SNX24: variants seen among roughly 807,000 people sequenced by gnomAD.
The protein encoded by SNX24 is sorting nexin-24.
SNX24 carries 22 observed loss-of-function variants against 28.7 expected under a neutral mutation model. That is an observed-to-expected ratio of 0.77 (90% CI 0.55 to 1.10). The LOEUF is 1.10. SNX24 is among the 50% of genes least tolerant of loss of function. The pLI, the probability that SNX24 is intolerant of heterozygous loss-of-function variation, is 0.00. For synonymous variants in SNX24, 69 were observed against 71.5 expected (o/e 0.96, Z 0.18); for missense variants, 221 against 201.1 (o/e 1.10, Z -0.60).
downstream of SNX24, among the ~76,000 whole-genome samples, chr5:123,009,961 A>C (rs1407359954): frequency 6.6e-6 from 1 of 152,238 alleles, no homozygotes; most frequent in East Asian, 1.9e-4. Context: ...AAGTAGAATC[A>C]AAAAGGACCT....
intron 1 of SNX24, among the ~76,000 whole-genome samples, chr5:122,918,871 G>T (rs909747081): frequency 6.6e-6 from 1 of 152,150 alleles, no homozygotes; most frequent in East Asian, 1.9e-4. Context: ...GGGCTAAAAC[G>T]TGATTTAAGA....
chr5:123,011,434 A>G (rs1762576707), downstream of SNX24, among the ~76,000 whole-genome samples: 1 of 152,174 alleles, frequency 6.6e-6, no homozygotes, highest in Non-Finnish European at 1.5e-5. Flanking sequence ...GAACAACCCC[A>G]ATATCACCAT....
At chr5:123,024,424 T>C (rs900115723) in intron 5 of SNX24, among the ~76,000 whole-genome samples, 1 of 152,212 alleles carries the variant, frequency 6.6e-6, no homozygotes, top group Non-Finnish European at 1.5e-5. Flanking sequence ...TTCACATGTA[T>C]GGGCCAGAAA....
intron 1 of SNX24, among the ~76,000 whole-genome samples, chr5:122,895,553 A>G (rs994588052): frequency 6.6e-6 from 1 of 152,068 alleles, no homozygotes; most frequent in African/African-American, 2.4e-5. Context: ...TGGTGGAAGG[A>G]TGGGGTTGTG....
At chr5:122,849,447 C>T (rs142060510) in intron 1 of SNX24, among the ~76,000 whole-genome samples, 21 of 152,220 alleles carry the variant, frequency 1.4e-4, no homozygotes, top group African/African-American at 5.1e-4. Flanking sequence ...TCAGTTTGGC[C>T]TGGCAGGGTG....
chr5:122,917,856 G>A (rs912892776), intron 1 of SNX24, among the ~76,000 whole-genome samples: 3 of 151,934 alleles, frequency 2.0e-5, no homozygotes, highest in Non-Finnish European at 4.4e-5. Flanking sequence ...CGAGGTGGGC[G>A]GATCACGAGG....
intron 1 of SNX24, among the ~76,000 whole-genome samples, chr5:122,850,793 A>T (rs1166222515): frequency 1.3e-4 from 1 of 7,634 alleles, no homozygotes; most frequent in Non-Finnish European, 1.7e-4. Flanking sequence ...TAAAAGTTAA[A>T]AAAAAAAAAA....
At chr5:123,009,229 G>A, downstream of SNX24, 7 of 984,706 alleles carry the variant, frequency 7.1e-6, no homozygotes, top group Non-Finnish European at 8.4e-6. Context: ...CTTCTCCTAA[G>A]ATTTCACTGG....
intron 3 of SNX24, among the ~76,000 whole-genome samples, chr5:122,955,650 C>T (rs187397631): frequency 3.0e-4 from 45 of 152,248 alleles, no homozygotes; most frequent in Non-Finnish European, 4.7e-4. Context: ...AAGGCTTGCT[C>T]CTCATTACCA....
At chr5:122,902,323 A>T (rs572576840) in intron 1 of SNX24, among the ~76,000 whole-genome samples, 1 of 152,182 alleles carries the variant, frequency 6.6e-6, no homozygotes, top group Non-Finnish European at 1.5e-5. Flanking sequence ...TTGGGATGGC[A>T]CCAGGTTCAA....
chr5:123,010,754 T>C (rs927832718), downstream of SNX24, among the ~76,000 whole-genome samples: 1 of 152,234 alleles, frequency 6.6e-6, no homozygotes, highest in African/African-American at 2.4e-5. Flanking sequence ...TGAGTAATAT[T>C]TCATCTACAT....
chr5:122,907,586 A>G (rs1172321102), intron 1 of SNX24, among the ~76,000 whole-genome samples: 1 of 152,190 alleles, frequency 6.6e-6, no homozygotes, highest in Non-Finnish European at 1.5e-5. Context: ...TATTCCAGAC[A>G]TGTACTAATT....
chr5:123,028,918 A>G, intron 5 of SNX24: 1 of 1,424,902 alleles, frequency 7.0e-7, no homozygotes, highest in Non-Finnish European at 9.9e-7. Flanking sequence ...CCATACTGAA[A>G]GATAAACTCA....
At chr5:122,940,425 T>G (rs1490800461) in intron 2 of SNX24, among the ~76,000 whole-genome samples, 12 of 152,168 alleles carry the variant, frequency 7.9e-5, no homozygotes, top group Admixed American at 7.9e-4. Flanking sequence ...CATTTTTACC[T>G]CCATTCTCTT....
At chr5:122,921,193 T>G (rs1758416268) in intron 1 of SNX24, among the ~76,000 whole-genome samples, 1 of 152,074 alleles carries the variant, frequency 6.6e-6, no homozygotes. Flanking sequence ...TTTCCTACTC[T>G]CCGCTGTGTT....
chr5:123,003,879 G>A (rs548683364), intron 6 of SNX24, among the ~76,000 whole-genome samples: 8 of 152,306 alleles, frequency 5.3e-5, no homozygotes, highest in Non-Finnish European at 1.0e-4. Context: ...GGGATGGGAG[G>A]TATGGAAGGA....
chr5:122,873,349 T>A (rs571057456), intron 1 of SNX24, among the ~76,000 whole-genome samples: 1 of 152,296 alleles, frequency 6.6e-6, no homozygotes, highest in Admixed American at 6.5e-5. Flanking sequence ...AAAAATTCTA[T>A]GAAGCTGATC....
chr5:122,868,749 C>T (rs184878128), intron 1 of SNX24, among the ~76,000 whole-genome samples: 28 of 152,106 alleles, frequency 1.8e-4, no homozygotes, highest in Non-Finnish European at 3.7e-4. Context: ...TCAAAGAGGT[C>T]CACTCACATT....
chr5:123,000,245 A>G (rs1330348441), intron 4 of SNX24, among the ~76,000 whole-genome samples: 1 of 152,258 alleles, frequency 6.6e-6, no homozygotes, highest in Non-Finnish European at 1.5e-5. Flanking sequence ...CAAGGAATCA[A>G]TCTTTTCAAT....
Sources: allele counts gnomAD v4.1 joint callset (sites outside exome capture counted in the v4.1 genomes callset), GRCh38; gene constraint gnomAD v4.1.1; transcripts MANE v1.5; gene names NCBI Gene and HGNC (gene_info 2026-07-23, HGNC 2026-07-21).